The following KLRG1 variants were observed in gnomAD, a reference collection of about 807,000 sequenced individuals.
KLRG1 encodes killer cell lectin-like receptor subfamily G member 1.
A neutral mutation model predicts 21.8 loss-of-function variants in KLRG1; 16 were observed. The ratio of observed to expected loss-of-function variants is 0.73; its 90% CI spans 0.50 to 1.11. KLRG1 has a LOEUF of 1.11. Among genes scored for constraint, KLRG1 ranks in the 50% most tolerant of loss-of-function variants. The probability of loss-of-function intolerance (pLI) is 0.00; values close to 1 mark genes in which losing one functional copy is unlikely to be tolerated. For synonymous variants in KLRG1, 69 were observed against 75.9 expected (o/e 0.91, Z 0.47); for missense variants, 173 against 218.3 (o/e 0.79, Z 1.31).
At chr12:9,027,510 T>C in the KLRG1 span, 1 of 1,110,080 alleles carries the variant, frequency 9.0e-7, no homozygotes, top group African/African-American at 1.5e-5. Flanking sequence ...CTTCTCCTGC[T>C]AAGCTTTGTT....
intron 2 of KLRG1, 150 bp downstream of exon 2, chr12:8,992,460 T>C (rs1805722): frequency 0.4 from 211,183 of 521,810 alleles, 45,919 homozygotes; most frequent in East Asian, 0.44. Flanking sequence ...CCTTTGACCA[T>C]GTGCACTTGT....
At chr12:9,177,207 T>G in the KLRG1 span, among the ~76,000 whole-genome samples, 2 of 152,280 alleles carry the variant, frequency 1.3e-5, no homozygotes, top group Non-Finnish European at 2.9e-5. Context: ...TAAAAGATAT[T>G]GCAAGTTTAG....
chr12:9,137,424 G>A, the KLRG1 span, among the ~76,000 whole-genome samples: 1 of 152,122 alleles, frequency 6.6e-6, no homozygotes, highest in Non-Finnish European at 1.5e-5. Context: ...TTTGATTACT[G>A]TGGTTTTGTA....
chr12:9,047,391 TCTAGGCAAGCA>T, the KLRG1 span, among the ~76,000 whole-genome samples: 1 of 152,208 alleles, frequency 6.6e-6, no homozygotes. Context: ...TATTGCAAAC[TCTAGGCAAGCA>T]CTGAAAATGT....
the KLRG1 span, among the ~76,000 whole-genome samples, chr12:9,030,275 G>A: frequency 6.6e-6 from 1 of 152,010 alleles, no homozygotes; most frequent in East Asian, 1.9e-4. Context: ...TATTTTTTGG[G>A]TATTGTTTTT....
At chr12:9,008,024 C>T (rs1167528370) in intron 3 of KLRG1, among the ~76,000 whole-genome samples, 2 of 152,138 alleles carry the variant, frequency 1.3e-5, no homozygotes, top group African/African-American at 2.4e-5. Flanking sequence ...AGATCAAAGT[C>T]TTTTATCTCT....
Position 9,009,972 on chromosome 12 carries a change from C to T in KLRG1, c.*435C>T, listed in dbSNP as rs551146576. ...TGTACTCCTCTGTACATTACTGATC[C>T]CTGATGGTATATTTCTATCCTAACA... On this transcript the variant is annotated 3_prime_UTR_variant, in exon 5 of 5. Transcript: ENST00000356986. 6.5e-6 allele frequency: 10 copies of T among 1,532,008 alleles called. No individual in the cohort carries two copies. The African/African-American group carries it at 1.4e-4, about 21-fold the overall frequency. 94.9% of individuals were successfully genotyped at this position (1,532,008 alleles called of 1,614,324 possible).
intron 3 of KLRG1, among the ~76,000 whole-genome samples, chr12:8,997,241 C>T (rs923413335): frequency 6.6e-6 from 1 of 152,120 alleles, no homozygotes; most frequent in African/African-American, 2.4e-5. Flanking sequence ...CTGGAGAGGG[C>T]GGAATGTCCC....
intron 2 of KLRG1, 112 bp from the exon 3 acceptor site, chr12:8,995,007 A>G (rs143754469): frequency 3.4e-6 from 3 of 884,042 alleles, no homozygotes; most frequent in African/African-American, 3.4e-5. Context: ...CTTAATCTGA[A>G]AAGTGGTGGA....
chr12:9,043,630 A>G, the KLRG1 span, among the ~76,000 whole-genome samples: 1 of 152,230 alleles, frequency 6.6e-6, no homozygotes, highest in African/African-American at 2.4e-5. Context: ...GGTGGCCACA[A>G]TAATATCTCC....
chr12:9,202,047 T>C, the KLRG1 span, among the ~76,000 whole-genome samples: 7 of 152,326 alleles, frequency 4.6e-5, no homozygotes, highest in East Asian at 1.3e-3. Context: ...GCCTTTTTTC[T>C]ATGCTTCTTT....
At chr12:9,196,611 C>T in the KLRG1 span, 5 of 1,613,526 alleles carry the variant, frequency 3.1e-6, no homozygotes, top group African/African-American at 4.0e-5. Flanking sequence ...CTCTAAGCTT[C>T]ATTTCAAAGC....
At chr12:9,028,125 G>A in the KLRG1 span, 6 of 765,496 alleles carry the variant, frequency 7.8e-6, no homozygotes, top group Non-Finnish European at 1.3e-5. Flanking sequence ...AAAATTATCT[G>A]TTCTTCAGTG....
the KLRG1 span, among the ~76,000 whole-genome samples, chr12:9,088,809 A>G: frequency 2.4e-4 from 36 of 152,350 alleles, no homozygotes; most frequent in African/African-American, 8.2e-4. Flanking sequence ...CCCGTTATCA[A>G]ATACTGTTGG....
At position 9,000,479 on chromosome 12, in the gene KLRG1, TCA is replaced by T. The variant is rs1449876363; in HGVS notation, c.357+5194_357+5195del. Among the ~76,000 whole-genome samples the T allele has an allele frequency of 2.0e-5, 3 of 152,312 alleles. No homozygotes were observed. The East Asian group carries it at 5.8e-4, about 29-fold the overall frequency. On this transcript the variant is annotated intron_variant, in intron 3 of 4. Transcript: ENST00000356986. ...TACAATTGAGTGGCATTAAGTACAT[TCA>T]CATTGTTGTACAACCATCACTACCA... is the stretch of plus-strand genomic sequence containing the variant.
chr12:9,162,678 G>A, the KLRG1 span: 1 of 1,526,408 alleles, frequency 6.6e-7, no homozygotes, highest in Non-Finnish European at 9.1e-7. Context: ...AAGGAGAAAA[G>A]ATAGAAACAT....
At chr12:8,960,900 G>C (rs1254803959) in intron 1 of KLRG1, among the ~76,000 whole-genome samples, 1 of 152,148 alleles carries the variant, frequency 6.6e-6, no homozygotes, top group Non-Finnish European at 1.5e-5. Flanking sequence ...CTGGTAGTTA[G>C]GTTATTTGAG....
the KLRG1 span, among the ~76,000 whole-genome samples, chr12:9,126,879 T>C: frequency 2.0e-5 from 3 of 152,224 alleles, no homozygotes; most frequent in Admixed American, 2.0e-4. Context: ...TGCTGAAGTG[T>C]ATTAGACTTT....
intron 3 of KLRG1, among the ~76,000 whole-genome samples, chr12:8,998,901 T>C (rs1947224253): frequency 1.3e-5 from 2 of 152,202 alleles, no homozygotes; most frequent in African/African-American, 4.8e-5. Flanking sequence ...TAAATTTATT[T>C]ATTGTGATGA....
Sources: gnomAD v4.1 joint callset for allele counts (sites outside exome capture counted in the v4.1 genomes callset) on GRCh38, gnomAD v4.1.1 for gene constraint, MANE v1.5 for transcripts, NCBI Gene and HGNC (gene_info 2026-07-23, HGNC 2026-07-21) for gene names.